The following KHDRBS2 variants were observed in gnomAD, a reference collection of about 807,000 sequenced individuals.
KHDRBS2 encodes KH domain-containing, RNA-binding, signal transduction-associated protein 2.
KHDRBS2 carries 26 observed loss-of-function variants against 44.3 expected under a neutral mutation model. The observed-to-expected ratio is 0.59, with a 90% CI of 0.43 to 0.81. The LOEUF (loss-of-function observed/expected upper bound fraction) is 0.81, where lower values mean the gene tolerates loss of function less well. Ranked by LOEUF, KHDRBS2 falls within the 40% of genes least tolerant of loss-of-function variation. The probability of loss-of-function intolerance (pLI) is 0.00; values close to 1 mark genes in which losing one functional copy is unlikely to be tolerated. For synonymous variants in KHDRBS2, 194 were observed against 151.1 expected (o/e 1.28, Z -2.08); for missense variants, 476 against 433.1 (o/e 1.10, Z -0.88).
At chr6:62,186,981 T>A (rs1231097552) in intron 1 of KHDRBS2, among the ~76,000 whole-genome samples, 3 of 152,038 alleles carry the variant, frequency 2.0e-5, no homozygotes, top group Non-Finnish European at 2.9e-5. Context: ...CAAAAAAAAA[T>A]TCAGGACACA....
intron 2 of KHDRBS2, among the ~76,000 whole-genome samples, chr6:62,102,339 C>G (rs1359458971): frequency 6.6e-6 from 1 of 152,168 alleles, no homozygotes; most frequent in Non-Finnish European, 1.5e-5. Context: ...ACTTATAGTT[C>G]CAGCTATGGC....
chr6:61,649,783 G>A, the KHDRBS2 span, among the ~76,000 whole-genome samples: 1 of 151,958 alleles, frequency 6.6e-6, no homozygotes, highest in African/African-American at 2.4e-5. Context: ...AACACTCAAG[G>A]CTAAGCTACA....
At chr6:62,166,576 C>A (rs1318406703) in intron 2 of KHDRBS2, among the ~76,000 whole-genome samples, 1 of 151,794 alleles carries the variant, frequency 6.6e-6, no homozygotes, top group Non-Finnish European at 1.5e-5. Flanking sequence ...ATTAATAATC[C>A]CTTATCTACA....
intron 3 of KHDRBS2, among the ~76,000 whole-genome samples, chr6:62,006,351 G>T (rs1363522583): frequency 1.3e-5 from 2 of 152,060 alleles, no homozygotes; most frequent in East Asian, 1.9e-4. Context: ...AAGACAAAGA[G>T]CAAGACAAAC....
At chr6:62,249,473 T>C (rs72870778) in intron 1 of KHDRBS2, among the ~76,000 whole-genome samples, 2,835 of 152,116 alleles carry the variant, frequency 0.019, 56 homozygotes, top group Non-Finnish European at 0.028. Context: ...TGTACCAAAA[T>C]CTTGTCTAGA....
chr6:61,856,181 T>A (rs1796123852), intron 6 of KHDRBS2, among the ~76,000 whole-genome samples: 1 of 152,126 alleles, frequency 6.6e-6, no homozygotes, highest in Non-Finnish European at 1.5e-5. Flanking sequence ...ATTTAGCATT[T>A]TAATTTGTTT....
intron 2 of KHDRBS2, among the ~76,000 whole-genome samples, chr6:62,079,802 A>G (rs1456494716): frequency 6.6e-6 from 1 of 152,070 alleles, no homozygotes; most frequent in Non-Finnish European, 1.5e-5. Flanking sequence ...ACATAATTAA[A>G]TCCAAGTCTC....
At chr6:62,173,502 A>G (rs1005632106) in intron 2 of KHDRBS2, among the ~76,000 whole-genome samples, 2 of 152,126 alleles carry the variant, frequency 1.3e-5, no homozygotes, top group African/African-American at 4.8e-5. Context: ...AGATTTTACC[A>G]GATGTATAAA....
chr6:61,570,077 A>T, the KHDRBS2 span, among the ~76,000 whole-genome samples: 2 of 152,164 alleles, frequency 1.3e-5, no homozygotes, highest in African/African-American at 4.8e-5. Flanking sequence ...ACCAAGAAGA[A>T]ATCTCTGTAG....
At chr6:62,072,499 T>G (rs1795377579) in intron 2 of KHDRBS2, among the ~76,000 whole-genome samples, 1 of 152,192 alleles carries the variant, frequency 6.6e-6, no homozygotes, top group Admixed American at 6.6e-5. Flanking sequence ...GCTCTTATTA[T>G]TTTGAGATAC....
chr6:61,900,183 G>A (rs1343302459), intron 5 of KHDRBS2, among the ~76,000 whole-genome samples: 1 of 151,878 alleles, frequency 6.6e-6, no homozygotes, highest in Non-Finnish European at 1.5e-5. Context: ...TATTTTATTT[G>A]AGAATTTATC....
chr6:62,196,817 G>A (rs1206492308), intron 1 of KHDRBS2, among the ~76,000 whole-genome samples: 8 of 152,138 alleles, frequency 5.3e-5, no homozygotes, highest in African/African-American at 1.7e-4. Context: ...AGAGAATGAC[G>A]AGGGGGATGC....
At chr6:62,034,021 G>A (rs1174081424) in intron 3 of KHDRBS2, among the ~76,000 whole-genome samples, 1 of 151,766 alleles carries the variant, frequency 6.6e-6, no homozygotes, top group East Asian at 1.9e-4. Context: ...AGGATCATTT[G>A]TGGCTATTAA....
chr6:62,044,761 C>T (rs976070170), intron 3 of KHDRBS2, among the ~76,000 whole-genome samples: 5 of 151,984 alleles, frequency 3.3e-5, no homozygotes, highest in African/African-American at 1.2e-4. Context: ...TTGGCAGTTG[C>T]ATGTTGAACT....
chr6:61,916,362 C>A (rs1583491887), intron 4 of KHDRBS2, among the ~76,000 whole-genome samples: 1 of 152,140 alleles, frequency 6.6e-6, no homozygotes, highest in African/African-American at 2.4e-5. Context: ...TCCACCCAAA[C>A]TTTCCAGATA....
chr6:62,244,215 G>A (rs2150169754), intron 1 of KHDRBS2, among the ~76,000 whole-genome samples: 1 of 152,076 alleles, frequency 6.6e-6, no homozygotes, highest in South Asian at 2.1e-4. Flanking sequence ...TTTGTGTTAG[G>A]TTTTGCTATC....
At chr6:61,965,181 G>A (rs972819306) in intron 4 of KHDRBS2, among the ~76,000 whole-genome samples, 2 of 152,034 alleles carry the variant, frequency 1.3e-5, no homozygotes, top group African/African-American at 2.4e-5. Flanking sequence ...CTCTGGGAGG[G>A]CTTATGGTTT....
intron 2 of KHDRBS2, among the ~76,000 whole-genome samples, chr6:62,141,293 T>C (rs1339685468): frequency 6.6e-6 from 1 of 152,128 alleles, no homozygotes; most frequent in Non-Finnish European, 1.5e-5. Context: ...GATTTAAACA[T>C]ATATATTGAC....
intron 8 of KHDRBS2, among the ~76,000 whole-genome samples, chr6:61,688,519 T>G (rs1767053166): frequency 6.6e-6 from 1 of 151,918 alleles, no homozygotes; most frequent in African/African-American, 2.4e-5. Flanking sequence ...ATTCCAATAC[T>G]CCCTTTAACT....
Sources: allele counts gnomAD v4.1 joint callset (sites outside exome capture counted in the v4.1 genomes callset), GRCh38; gene constraint gnomAD v4.1.1; transcripts MANE v1.5; gene names NCBI Gene and HGNC (gene_info 2026-07-23, HGNC 2026-07-21).